TENM4: variants seen among roughly 807,000 people sequenced by gnomAD.
TENM4 encodes teneurin-4.
A neutral mutation model predicts 243.3 loss-of-function variants in TENM4; 82 were observed. The observed-to-expected ratio is 0.34, with a 90% CI of 0.28 to 0.40. TENM4 has a LOEUF of 0.40. TENM4 is among the 10% of genes least tolerant of loss of function. The pLI is 1.00. For synonymous variants in TENM4, 1,412 were observed against 1,456.3 expected (o/e 0.97, Z 0.69); for missense variants, 3,138 against 3,673.3 (o/e 0.85, Z 3.77).
intron 6 of TENM4, among the ~76,000 whole-genome samples, chr11:79,030,938 G>C (rs538064720): frequency 1.3e-5 from 2 of 152,256 alleles, no homozygotes; most frequent in Admixed American, 1.3e-4. Flanking sequence ...GGCAAAAAGA[G>C]GAGCGAGACA....
chr11:79,267,623 A>G (rs1452066581), intron 2 of TENM4, among the ~76,000 whole-genome samples: 1 of 152,200 alleles, frequency 6.6e-6, no homozygotes, highest in Non-Finnish European at 1.5e-5. Context: ...GAGGATAATC[A>G]TCTTTACCTC....
At position 78,728,251 on chromosome 11, in the gene TENM4, A is replaced by G. The variant is rs189270901; in HGVS notation, c.3406+1125T>C. Reference sequence around the variant, plus strand: ...AACCCATAGGAAAGATCTGGAATAAATCCAGCTCTGTTCCTTTCTAGCTGT... The same window carrying G: ...AACCCATAGGAAAGATCTGGAATAAGTCCAGCTCTGTTCCTTTCTAGCTGT... On this transcript the variant is annotated intron_variant, in intron 22 of 33. Transcript: ENST00000278550. Among the ~76,000 whole-genome samples, 8 of 152,256 alleles carry G rather than the reference A, an allele frequency of 5.3e-5. No individual in the cohort carries two copies. In the East Asian group the frequency reaches 1.5e-3, roughly 29 times the overall value.
chr11:78,882,346 TA>T (rs1312949539), intron 9 of TENM4, among the ~76,000 whole-genome samples: 1 of 152,230 alleles, frequency 6.6e-6, no homozygotes, highest in African/African-American at 2.4e-5. Flanking sequence ...GAACATAAAA[TA>T]CACAGTTCGG....
intron 6 of TENM4, among the ~76,000 whole-genome samples, chr11:78,979,809 G>A (rs1418446045): frequency 6.6e-6 from 1 of 152,136 alleles, no homozygotes; most frequent in Non-Finnish European, 1.5e-5. Flanking sequence ...CCGACTCCCT[G>A]GGCTCTAGAT....
intron 6 of TENM4, among the ~76,000 whole-genome samples, chr11:78,965,639 G>A (rs535664707): frequency 1.3e-5 from 2 of 152,316 alleles, no homozygotes; most frequent in South Asian, 2.1e-4. Context: ...GAAGCCCTGG[G>A]GTGAGAACGG....
chr11:79,433,869 G>GCAGTGAA (rs1859218185), intron 1 of TENM4, among the ~76,000 whole-genome samples: 3 of 152,176 alleles, frequency 2.0e-5, no homozygotes, highest in Non-Finnish European at 2.9e-5. Context: ...CATCTAAACC[G>GCAGTGAA]TTGTCTGAAG....
chr11:79,393,518 G>A (rs532481454), intron 1 of TENM4, among the ~76,000 whole-genome samples: 44 of 152,322 alleles, frequency 2.9e-4, no homozygotes, highest in African/African-American at 9.6e-4. Flanking sequence ...CACACCTGCT[G>A]TTTCCCACTT....
chr11:79,308,063 A>G (rs894228607), intron 1 of TENM4, among the ~76,000 whole-genome samples: 65 of 152,334 alleles, frequency 4.3e-4, no homozygotes, highest in African/African-American at 1.3e-3. Flanking sequence ...AGAAGCTGCT[A>G]CTGGTAAGAA....
At chr11:79,079,642 C>T (rs1860615817) in intron 4 of TENM4, among the ~76,000 whole-genome samples, 1 of 152,020 alleles carries the variant, frequency 6.6e-6, no homozygotes, top group African/African-American at 2.4e-5. Flanking sequence ...CCAGCCTGGC[C>T]AATGTGGTGA....
At position 79,312,062 on chromosome 11, in the gene TENM4, C is replaced by T. The variant is rs999215182; in HGVS notation, c.-320-14519G>A. Among the ~76,000 whole-genome samples, 5 of 152,148 alleles carry T rather than the reference C, an allele frequency of 3.3e-5. No homozygotes were observed. In the East Asian group the frequency reaches 7.7e-4, roughly 23 times the overall value. On this transcript the variant is annotated intron_variant, in intron 1 of 33. Coordinates refer to ENST00000278550, the MANE Select transcript of TENM4 (RefSeq NM_001098816.3). Reference sequence around the variant, plus strand: ...CCTGCTATCTTCATGTGAGGAGTTCCTCCTAGCCTTCAAAACCCACAGGAA... The same window carrying T: ...CCTGCTATCTTCATGTGAGGAGTTCTTCCTAGCCTTCAAAACCCACAGGAA...
At chr11:78,723,155 G>T (rs1007616428) in intron 23 of TENM4, among the ~76,000 whole-genome samples, 2 of 152,164 alleles carry the variant, frequency 1.3e-5, no homozygotes, top group African/African-American at 4.8e-5. Flanking sequence ...TATCCCTACT[G>T]TAACAGGGGA....
At chr11:79,390,160 A>G (rs1440838249) in intron 1 of TENM4, among the ~76,000 whole-genome samples, 2 of 152,170 alleles carry the variant, frequency 1.3e-5, no homozygotes, top group Non-Finnish European at 2.9e-5. Flanking sequence ...GGTTAAAGGA[A>G]GAGGAAATAG....
chr11:79,330,782 G>C (rs1209188849), intron 1 of TENM4, among the ~76,000 whole-genome samples: 1 of 152,212 alleles, frequency 6.6e-6, no homozygotes, highest in East Asian at 1.9e-4. Flanking sequence ...AACCCATCCA[G>C]CTAATGTGCA....
At chr11:78,732,678 G>A in intron 20 of TENM4, 101 bp from the exon 21 acceptor site, 4 of 1,352,668 alleles carry the variant, frequency 3.0e-6, no homozygotes, top group Non-Finnish European at 2.0e-6. Context: ...TTACACCAAA[G>A]GGTCTCAGCA....
rs1415234129 is a variant in TENM4, at chr11:79,272,992, A to G, written c.-265+24496T>C. Among the ~76,000 whole-genome samples the G allele has an allele frequency of 7.2e-5, 11 of 152,188 alleles. No individual in the cohort carries two copies. The South Asian group carries it at 2.3e-3, about 32-fold the overall frequency. On this transcript the variant is annotated intron_variant, in intron 2 of 33. Transcript: ENST00000278550. ...GCCCTGGACATTGATCTGCTCAGGG[A>G]TGGTCCTAAGAAGCAAAGAGAAACC...
At position 78,729,636 on chromosome 11, in the gene TENM4, T is replaced by C; in HGVS notation, c.3146A>G (p.Gln1049Arg). The change falls in exon 22 of 34, where the codon CAG becomes CGG. Residue 1049 changes from glutamine (Q) to arginine (R), a missense_variant. Around this residue, in one of 2 missense-constraint regions of TENM4, gnomAD observed 2,467 missense variants for 3,059.1 expected, o/e 0.81. Transcript: ENST00000278550. ...GPIVPEIQALQEEISISGCKM... is the reference protein window; with the variant it reads ...GPIVPEIQALREEISISGCKM... ...GCAGCCAGAGATAGAGATTTCCTCC[T>C]GCAAAGCCTAGAAAGCAGAGGCAGA... 1 of 1,608,568 alleles carries C rather than the reference T, an allele frequency of 6.2e-7. No homozygotes were observed. The highest frequency in any genetic ancestry group is 1.1e-5 in the South Asian group (1 of 90,432).
intron 8 of TENM4, 62 bp downstream of exon 8, chr11:78,891,176 C>T (rs1855655448): frequency 2.0e-6 from 3 of 1,465,820 alleles, no homozygotes; most frequent in African/African-American, 2.8e-5. Flanking sequence ...TCAGGGTCTG[C>T]ATGCAAGTGC....
chr11:79,222,182 G>C (rs1244608410), intron 2 of TENM4, among the ~76,000 whole-genome samples: 2 of 152,220 alleles, frequency 1.3e-5, no homozygotes, highest in Non-Finnish European at 2.9e-5. Context: ...GGGTCAAGGG[G>C]AACAGGTGGG....
intron 6 of TENM4, among the ~76,000 whole-genome samples, chr11:78,931,422 T>A (rs1031080251): frequency 6.6e-6 from 1 of 152,176 alleles, no homozygotes; most frequent in Admixed American, 6.5e-5. Context: ...AAAGCACTGG[T>A]GTTTTCAGTA....
Sources: gnomAD v4.1 joint callset for allele counts (sites outside exome capture counted in the v4.1 genomes callset) on GRCh38, gnomAD v4.1.1 for gene constraint, gnomAD v4.1.1 regional missense constraint, MANE v1.5 for transcripts, NCBI Gene and HGNC (gene_info 2026-07-23, HGNC 2026-07-21) for gene names.